Variants in ZBTB3 observed in about 807,000 individuals in gnomAD.
ZBTB3 encodes the protein zinc finger and BTB domain-containing protein 3.
A neutral mutation model predicts 30.6 loss-of-function variants in ZBTB3; 15 were observed. The observed-to-expected ratio is 0.49, with a 90% CI of 0.33 to 0.75. The LOEUF (loss-of-function observed/expected upper bound fraction) is 0.75. Ranked by LOEUF, ZBTB3 falls within the 30% of genes least tolerant of loss-of-function variation. ZBTB3 has a pLI of 0.02. For missense variants in ZBTB3, 599 were observed against 652.1 expected (o/e 0.92, Z 0.89); for synonymous variants, 258 against 261.7 (o/e 0.99, Z 0.14).
Position 62,754,140 on chromosome 11 carries a change from A to T in ZBTB3, c.-228T>A, listed in dbSNP as rs1306743852. ...AAAGCTGATACCTCACCCACCACCG[A>T]GCAGCCACAGGGCGAGCTCCGCCCC... On this transcript the variant is annotated 5_prime_UTR_variant, in exon 1 of 2. Coordinates refer to ENST00000394807, the MANE Select transcript of ZBTB3 (RefSeq NM_001370809.1). 7.0e-7 allele frequency: 1 copy of T among 1,425,740 alleles called. No homozygotes were observed. Among genetic ancestry groups the T allele is most frequent in the African/African-American group, 1.4e-5 (1 of 71,150 alleles). The allele number at this position is 1,425,740 out of a possible 1,614,324, so 88.3% of individuals were successfully genotyped here.
In ZBTB3 at chr11:62,752,625, A is replaced by G. The variant is rs1300198299; in HGVS notation, c.1040T>C (p.Phe347Ser). 24 of 1,614,088 alleles carry G rather than the reference A, an allele frequency of 1.5e-5. No homozygotes were observed. Among genetic ancestry groups the G allele is most frequent in the Non-Finnish European group, 1.9e-5 (23 of 1,180,044 alleles). Residue 347 changes from phenylalanine (F) to serine (S), a missense_variant, in exon 2 of 2, where the codon TTT becomes TCT. Coordinates refer to ENST00000394807, the MANE Select transcript of ZBTB3 (RefSeq NM_001370809.1). ...YGAQPSQPEA[F>S]EDPGAAGLEE... ...CAGTCCTGCTGCCCCTGGGTCTTCA[A>G]AAGCCTCTGGCTGGGAGGGCTGTGC... is the stretch of plus-strand genomic sequence containing the variant.
At chr11:62,753,857 G>A in intron 1 of ZBTB3, 107 bp downstream of exon 1, 5 of 1,554,348 alleles carry the variant, frequency 3.2e-6, no homozygotes, top group Admixed American at 1.8e-5. Flanking sequence ...TCTCCCATTA[G>A]CTCCGCCCAC....
rs1423621563 is a variant in ZBTB3 at position 62,753,133 on chromosome 11, A to G, written c.532T>C (p.Ser178Pro). The change falls in exon 2 of 2, where the codon TCA becomes CCA. Residue 178 changes from serine to proline, a missense_variant. Ser to Pro is a moderately conservative substitution (Grantham distance 74). Coordinates refer to ENST00000394807, the MANE Select transcript of ZBTB3 (RefSeq NM_001370809.1). ...KGEWKGSAAP[S>P]PTVRPPDEPP... ...TCATCTGGAGGACGGACAGTAGGTG[A>G]GGGAGCAGCAGAGCCTTTCCATTCC... 1 of 1,614,160 alleles carries G rather than the reference A, an allele frequency of 6.2e-7. No individual in the cohort carries two copies. Among genetic ancestry groups the G allele is most frequent in the South Asian group, 1.1e-5 (1 of 91,078 alleles).
In ZBTB3 at chr11:62,752,618, G is replaced by A. The variant is rs1372924414; in HGVS notation, c.1047C>T (p.Asp349=). 6.2e-7 allele frequency: 1 copy of A among 1,614,202 alleles called. No individual in the cohort carries two copies. Among genetic ancestry groups the A allele is most frequent in the Non-Finnish European group, 8.5e-7 (1 of 1,180,038 alleles). The change falls in exon 2 of 2, where the codon GAC becomes GAT. Residue 349 remains aspartate, a synonymous_variant. Coordinates refer to ENST00000394807, the MANE Select transcript of ZBTB3 (RefSeq NM_001370809.1). ...CCTCCTCCAGTCCTGCTGCCCCTGG[G>A]TCTTCAAAAGCCTCTGGCTGGGAGG... ...AQPSQPEAFE[D]PGAAGLEEVG...
Position 62,754,078 on chromosome 11 carries a change from C to T in ZBTB3, c.-166G>A. 6.2e-7 allele frequency: 1 copy of T among 1,613,582 alleles called. No homozygotes were observed. Among genetic ancestry groups the T allele is most frequent in the Non-Finnish European group, 8.5e-7 (1 of 1,179,506 alleles). ...CCCTAAGCATCTCCCTCACGCATTC[C>T]AGGGGCTAAGGACTACCAGGGTGGG... On this transcript the variant is annotated 5_prime_UTR_variant, in exon 1 of 2. Transcript: ENST00000394807.
In ZBTB3 at chr11:62,752,341, T is replaced by C; in HGVS notation, c.1324A>G (p.Thr442Ala). 1 of 1,614,164 alleles carries C rather than the reference T, an allele frequency of 6.2e-7. No individual in the cohort carries two copies. The highest frequency in any genetic ancestry group is 8.5e-7 in the Non-Finnish European group (1 of 1,180,032). The change falls in exon 2 of 2, where the codon ACG becomes GCG. Residue 442 changes from threonine (T) to alanine (A), a missense_variant. Physicochemically the swap from Thr to Ala is moderately conservative, Grantham distance 58 (BLOSUM62 0). Coordinates refer to ENST00000394807, the MANE Select transcript of ZBTB3 (RefSeq NM_001370809.1). ...SCSYTLRRHA[T>A]VHTRERPYEC... ...TAGGGTCGCTCACGTGTGTGCACCG[T>C]GGCATGTCGCCGTAGTGTGTAAGAG... is the stretch of plus-strand genomic sequence containing the variant.
Position 62,754,111 on chromosome 11 carries a change from G to C in ZBTB3, c.-199C>G. 1 of 1,579,378 alleles carries C rather than the reference G, an allele frequency of 6.3e-7. No individual in the cohort carries two copies. The highest frequency in any genetic ancestry group is 8.7e-7 in the Non-Finnish European group (1 of 1,148,660). On this transcript the variant is annotated 5_prime_UTR_variant, in exon 1 of 2. Transcript: ENST00000394807. ...AAGGACTACCAGGGTGGGAACTAGCGGAGAAAGCTGATACCTCACCCACCA... is the reference window on the plus strand; with the variant it reads ...AAGGACTACCAGGGTGGGAACTAGCCGAGAAAGCTGATACCTCACCCACCA...
rs768540529 is a variant in ZBTB3 at position 62,753,332 on chromosome 11, G to T, written c.333C>A (p.Ile111=). 6.8e-6 allele frequency: 11 copies of T among 1,613,948 alleles called. No homozygotes were observed. Among genetic ancestry groups the T allele is most frequent in the East Asian group, 6.7e-5 (3 of 44,890 alleles). The change falls in exon 2 of 2, where the codon ATC becomes ATA. Residue 111 remains isoleucine (I), a synonymous_variant. Transcript: ENST00000394807. ...AAASYLHMND[I]VKVCKRRLQA... ...GAAGCCGCCGCTTACACACCTTGACGATGTCATTCATGTGCAAGTAGCTGG... is the reference window on the plus strand; with the variant it reads ...GAAGCCGCCGCTTACACACCTTGACTATGTCATTCATGTGCAAGTAGCTGG...
chr11:62,752,549 G>A lies in ZBTB3; in HGVS notation c.1116C>T (p.Pro372=), dbSNP rs750237091. ...DHFLPTDPHL[P]YHLLPGAGQY... is the part of the protein sequence containing the mutation. ...GCCCTGCACCTGGCAGCAGATGGTAGGGTAGATGAGGGTCTGTTGGCAGGA... is the reference window on the plus strand; with the variant it reads ...GCCCTGCACCTGGCAGCAGATGGTAAGGTAGATGAGGGTCTGTTGGCAGGA... The change falls in exon 2 of 2, where the codon CCC becomes CCT. Residue 372 remains proline (P), a synonymous_variant. Transcript: ENST00000394807. 14 of 1,614,052 alleles carry A rather than the reference G, an allele frequency of 8.7e-6. No homozygotes were observed. The South Asian group carries it at 1.5e-4, about 18-fold the overall frequency.
rs941831173 is a variant in ZBTB3 at position 62,751,889 on chromosome 11, C to T, written c.*201G>A. On this transcript the variant is annotated 3_prime_UTR_variant, in exon 2 of 2. Transcript: ENST00000394807. The stretch of plus-strand genomic sequence containing the variant: ...GGCTGAGCTTGCAGTGAGCCGAGAT[C>T]GCGCCACTGCACTCCAGTCTGGGTG... The T allele has an allele frequency of 1.6e-4, 70 of 447,762 alleles. No homozygotes were observed. The highest frequency in any genetic ancestry group is 2.4e-4 in the Non-Finnish European group (62 of 260,838). The allele number at this position is 447,762 out of a possible 1,614,324, so 27.7% of individuals were successfully genotyped here.
Position 62,754,159 on chromosome 11 carries a change from C to T in ZBTB3, c.-247G>A. The T allele has an allele frequency of 8.5e-7, 1 of 1,177,654 alleles. No homozygotes were observed. The highest frequency in any genetic ancestry group is 1.3e-6 in the Non-Finnish European group (1 of 791,316). 73.0% of individuals were successfully genotyped at this position (1,177,654 alleles called of 1,614,324 possible). On this transcript the variant is annotated 5_prime_UTR_variant, in exon 1 of 2. Transcript: ENST00000394807. ...CCACCGAGCAGCCACAGGGCGAGCT[C>T]CGCCCCTTCCCACCTTCTCAGCTTT...
chr11:62,753,897 C>G, intron 1 of ZBTB3, 67 bp downstream of exon 1: 4 of 1,591,756 alleles, frequency 2.5e-6, no homozygotes, highest in Non-Finnish European at 3.4e-6. Flanking sequence ...AGGCCCCACC[C>G]CCGTCCGATA....
At position 62,752,212 on chromosome 11, in the gene ZBTB3, G is replaced by T. The variant is rs546613976; in HGVS notation, c.1453C>A (p.Pro485Thr). ...EDLAKRSKPD[P>T]EVGPLLGVQP... Reference sequence around the variant, plus strand: ...ACCCCTAGAAGGGGTCCCACTTCTGGATCTGGTTTGCTGCGTTTGGCCAGG... The same window carrying T: ...ACCCCTAGAAGGGGTCCCACTTCTGTATCTGGTTTGCTGCGTTTGGCCAGG... Residue 485 changes from proline (P) to threonine (T), a missense_variant, in exon 2 of 2, where the codon CCA (proline) becomes ACA (threonine). Physicochemically the swap from Pro to Thr is conservative, Grantham distance 38 (BLOSUM62 -1). Coordinates refer to ENST00000394807, the MANE Select transcript of ZBTB3 (RefSeq NM_001370809.1). 6.2e-7 allele frequency: 1 copy of T among 1,614,198 alleles called. No homozygotes were observed. The highest frequency in any genetic ancestry group is 2.2e-5 in the East Asian group (1 of 44,870).
Position 62,753,534 on chromosome 11 carries a change from G to A in ZBTB3, c.131C>T (p.Ser44Phe). The A allele has an allele frequency of 6.2e-7, 1 of 1,614,216 alleles. No homozygotes were observed. Among genetic ancestry groups the A allele is most frequent in the Non-Finnish European group, 8.5e-7 (1 of 1,180,046 alleles). Residue 44 changes from serine to phenylalanine, a missense_variant, in exon 2 of 2, where the codon TCC (serine) becomes TTC (phenylalanine). Ser to Phe is a radical substitution (Grantham distance 155). Coordinates refer to ENST00000394807, the MANE Select transcript of ZBTB3 (RefSeq NM_001370809.1). ...QFLAHRAVLA[S>F]CSPFFQLFYK... ...GAAAAGCTGGAAGAATGGGCTGCAG[G>A]AGGCCAGCACAGCCCGATGGGCCAA... is the stretch of plus-strand genomic sequence containing the variant.
At chr11:62,753,833 G>A in intron 1 of ZBTB3, 118 bp from the exon 2 acceptor site, 3 of 1,531,888 alleles carry the variant, frequency 2.0e-6, no homozygotes, top group Non-Finnish European at 2.6e-6. Flanking sequence ...TTTCTCCTAG[G>A]TCACACCCAA....
rs1160391978 is a variant in ZBTB3 at position 62,751,878 on chromosome 11, T to G, written c.*212A>C. 4.9e-6 allele frequency: 2 copies of G among 409,154 alleles called. No individual in the cohort carries two copies. Among genetic ancestry groups the G allele is most frequent in the African/African-American group, 4.1e-5 (2 of 48,398 alleles). 25.3% of individuals were successfully genotyped at this position (409,154 alleles called of 1,614,324 possible). A position where few individuals can be genotyped will look rare whatever the true frequency, so the allele number is the denominator to read the frequency against. Reference sequence around the variant, plus strand: ...TGAATCGGGGAGGCTGAGCTTGCAGTGAGCCGAGATCGCGCCACTGCACTC... The same window carrying G: ...TGAATCGGGGAGGCTGAGCTTGCAGGGAGCCGAGATCGCGCCACTGCACTC... On this transcript the variant is annotated 3_prime_UTR_variant, in exon 2 of 2. Coordinates refer to ENST00000394807, the MANE Select transcript of ZBTB3 (RefSeq NM_001370809.1).
chr11:62,752,380 T>A lies in ZBTB3; in HGVS notation c.1285A>T (p.Lys429Ter), dbSNP rs1447298161. The A allele has an allele frequency of 1.1e-5, 17 of 1,614,154 alleles. No homozygotes were observed. Among genetic ancestry groups the A allele is most frequent in the Non-Finnish European group, 1.4e-5 (17 of 1,180,034 alleles). Residue 429 changes from lysine (K) to a stop codon, truncating the protein, a stop_gained, in exon 2 of 2, where the codon AAG (lysine) becomes TAG (stop). Coordinates refer to ENST00000394807, the MANE Select transcript of ZBTB3 (RefSeq NM_001370809.1). LOFTEE classifies it high-confidence loss of function. ...AGTGTGTAAGAGCATGAGAAGGTCT[T>A]CCCACATGTCTTGCAGGTGGGAACA... ...EDVPTCKTCG[K>*]TFSCSYTLRR...
chr11:62,752,507 C>T lies in ZBTB3; in HGVS notation c.1158G>A (p.Leu386=). The change falls in exon 2 of 2, where the codon CTG becomes CTA. Residue 386 remains leucine (L), a synonymous_variant. Coordinates refer to ENST00000394807, the MANE Select transcript of ZBTB3 (RefSeq NM_001370809.1). ...LPGAGQYHRG[L]VTSPLPAPAS... ...CGGGTGCAGGCAGAGGTGAGGTCAC[C>T]AGTCCTCGATGATACTGCCCTGCAC... 1.2e-6 allele frequency: 2 copies of T among 1,614,168 alleles called. No homozygotes were observed. The highest frequency in any genetic ancestry group is 1.7e-6 in the Non-Finnish European group (2 of 1,180,032).
rs547151576 is a variant in ZBTB3, at chr11:62,753,981, C to A, written c.-69G>T. On this transcript the variant is annotated 5_prime_UTR_variant, in exon 1 of 2. Coordinates refer to ENST00000394807, the MANE Select transcript of ZBTB3 (RefSeq NM_001370809.1). ...ATGCCCACCCGGTAGCGTCCAACGGCTCCACGAAGTAGAGATCTTTTTCGC... is the reference window on the plus strand; with the variant it reads ...ATGCCCACCCGGTAGCGTCCAACGGATCCACGAAGTAGAGATCTTTTTCGC... The A allele has an allele frequency of 1.2e-6, 2 of 1,614,018 alleles. No homozygotes were observed. The highest frequency in any genetic ancestry group is 2.7e-5 in the African/African-American group (2 of 74,950).
Sources: allele counts gnomAD v4.1 joint callset, GRCh38; gene constraint gnomAD v4.1.1; transcripts MANE v1.5; gene names NCBI Gene and HGNC (gene_info 2026-07-23, HGNC 2026-07-21).